TBC1D12: variants seen among roughly 807,000 people sequenced by gnomAD.
TBC1D12 encodes the protein TBC1 domain family member 12.
Under a neutral mutation model 86.7 loss-of-function variants are expected in TBC1D12, and 56 were observed. The observed-to-expected ratio is 0.65, with a 90% CI of 0.52 to 0.81. TBC1D12 has a LOEUF of 0.81. Ranked by LOEUF, TBC1D12 falls within the 30% of genes least tolerant of loss-of-function variation. The pLI, the probability that TBC1D12 is intolerant of heterozygous loss-of-function variation, is 0.00. For missense variants in TBC1D12, 1,023 were observed against 1,038.8 expected (o/e 0.98, Z 0.21); for synonymous variants, 421 against 411.7 (o/e 1.02, Z -0.27).
chr10:94,425,606 A>C (rs1017797415), intron 1 of TBC1D12, among the ~76,000 whole-genome samples: 6 of 152,150 alleles, frequency 3.9e-5, no homozygotes, highest in African/African-American at 1.4e-4. Context: ...TTGTTCTACA[A>C]CTCAACCAAC....
At position 94,420,345 on chromosome 10, in the gene TBC1D12, T is replaced by C. The variant is rs148400309; in HGVS notation, c.971+16761T>C. ...AACGTTGAGATACAAATGTCTGTTG[T>C]TCAAGCTACCAAGTCGATGATATTT... On this transcript the variant is annotated intron_variant, in intron 1 of 12. Coordinates refer to ENST00000225235, the MANE Select transcript of TBC1D12 (RefSeq NM_015188.2). Among the ~76,000 whole-genome samples the C allele has an allele frequency of 3.8e-4, 58 of 152,334 alleles. No individual in the cohort carries two copies. The East Asian group carries it at 9.2e-3, about 24-fold the overall frequency.
At chr10:94,475,666 C>T (rs1452951880) in intron 3 of TBC1D12, among the ~76,000 whole-genome samples, 2 of 152,150 alleles carry the variant, frequency 1.3e-5, no homozygotes. Context: ...GAATTCTTGA[C>T]CTCAAGTGGT....
chr10:94,459,952 C>T (rs2055699352), intron 2 of TBC1D12, among the ~76,000 whole-genome samples: 1 of 152,224 alleles, frequency 6.6e-6, no homozygotes, highest in East Asian at 1.9e-4. Flanking sequence ...TCCCACAGTG[C>T]AGCAGTGGGC....
chr10:94,517,555 T>A (rs1348325377), intron 9 of TBC1D12, among the ~76,000 whole-genome samples: 1 of 152,208 alleles, frequency 6.6e-6, no homozygotes, highest in South Asian at 2.1e-4. Context: ...ACTGTATATT[T>A]GCTGCTGAAA....
At chr10:94,465,653 A>ATAT (rs1176814157) in intron 2 of TBC1D12, among the ~76,000 whole-genome samples, 2 of 82,496 alleles carry the variant, frequency 2.4e-5, no homozygotes, top group African/African-American at 8.7e-5. Context: ...CCTAAAAAAA[A>ATAT]AAATATATAT....
chr10:94,494,524 T>C (rs919986014), intron 4 of TBC1D12, among the ~76,000 whole-genome samples: 2 of 152,176 alleles, frequency 1.3e-5, no homozygotes, highest in African/African-American at 4.8e-5. Flanking sequence ...CATATCCAAT[T>C]AAGTATTTAT....
At chr10:94,467,674 T>C (rs2055845144) in intron 2 of TBC1D12, among the ~76,000 whole-genome samples, 3 of 152,072 alleles carry the variant, frequency 2.0e-5, no homozygotes, top group Non-Finnish European at 4.4e-5. Context: ...AAACCTTCAA[T>C]GCATGTCCTG....
At chr10:94,518,639 A>G (rs1347819034) in intron 9 of TBC1D12, among the ~76,000 whole-genome samples, 1 of 152,238 alleles carries the variant, frequency 6.6e-6, no homozygotes, top group Non-Finnish European at 1.5e-5. Context: ...TCACACCATG[A>G]GTCAATAAAT....
At chr10:94,479,206 A>G (rs1476306247) in intron 3 of TBC1D12, among the ~76,000 whole-genome samples, 2 of 152,188 alleles carry the variant, frequency 1.3e-5, no homozygotes. Flanking sequence ...TAATAATTCC[A>G]GAAAGGTGTG....
chr10:94,430,116 C>T (rs767727874), intron 1 of TBC1D12, among the ~76,000 whole-genome samples: 2 of 152,146 alleles, frequency 1.3e-5, no homozygotes, highest in South Asian at 4.1e-4. Context: ...GCCTCGAACT[C>T]CAGGGCTCAA....
chr10:94,427,597 C>A (rs762323343), intron 1 of TBC1D12, among the ~76,000 whole-genome samples: 2 of 151,884 alleles, frequency 1.3e-5, no homozygotes, highest in African/African-American at 2.4e-5. Flanking sequence ...TTTGGGAGGC[C>A]GAGGCAGGTG....
At chr10:94,479,461 T>C (rs1364164156) in intron 3 of TBC1D12, among the ~76,000 whole-genome samples, 3 of 152,164 alleles carry the variant, frequency 2.0e-5, no homozygotes, top group Admixed American at 1.3e-4. Flanking sequence ...GGAAGTACTT[T>C]TTCTGAAATT....
chr10:94,447,213 G>GA (rs1296153700), intron 2 of TBC1D12, among the ~76,000 whole-genome samples: 1 of 151,164 alleles, frequency 6.6e-6, no homozygotes, highest in Non-Finnish European at 1.5e-5. Context: ...TTTTTGTGTG[G>GA]AAAAAACACG....
Position 94,452,548 on chromosome 10 carries a change from T to G in TBC1D12, c.1095+10529T>G, listed in dbSNP as rs75556787. 7.6e-3 allele frequency among the ~76,000 whole-genome samples: 1,155 copies of G among 152,274 alleles called. 15 individuals carry two copies. The highest frequency in any genetic ancestry group is 0.027 in the African/African-American group (1,105 of 41,554). On this transcript the variant is annotated intron_variant, in intron 2 of 12. Transcript: ENST00000225235. ...TGGAACCAGACAGTACTTAGCTGTTTCAGGTTGGTTTCTTTCACTTAGTAA... is the reference window on the plus strand; with the variant it reads ...TGGAACCAGACAGTACTTAGCTGTTGCAGGTTGGTTTCTTTCACTTAGTAA...
chr10:94,438,339 T>A (rs1337605778), intron 1 of TBC1D12, among the ~76,000 whole-genome samples: 1 of 152,164 alleles, frequency 6.6e-6, no homozygotes, highest in Non-Finnish European at 1.5e-5. Flanking sequence ...TCTCTGTGGC[T>A]AGCTGGTGAC....
intron 1 of TBC1D12, among the ~76,000 whole-genome samples, chr10:94,408,930 G>A (rs1003889944): frequency 1.3e-5 from 2 of 152,108 alleles, no homozygotes; most frequent in African/African-American, 4.8e-5. Flanking sequence ...TTTTGTTCAG[G>A]ATCAACTGTG....
intron 8 of TBC1D12, 57 bp downstream of exon 8, chr10:94,510,236 C>T: frequency 8.0e-7 from 1 of 1,257,682 alleles, no homozygotes; most frequent in African/African-American, 1.6e-5. Flanking sequence ...ATATCCAAGG[C>T]AACAGATTCT....
intron 11 of TBC1D12, among the ~76,000 whole-genome samples, chr10:94,528,389 A>G (rs1842349081): frequency 6.6e-6 from 1 of 152,154 alleles, no homozygotes; most frequent in Admixed American, 6.6e-5. Context: ...TTAGGCACTA[A>G]TGTCTTTTAT....
rs1244799763 is a variant in TBC1D12, at chr10:94,443,856, A to G, written c.1095+1837A>G. Among the ~76,000 whole-genome samples, 5 of 152,312 alleles carry G rather than the reference A, an allele frequency of 3.3e-5. No individual in the cohort carries two copies. In the East Asian group the frequency reaches 5.8e-4, roughly 18 times the overall value. On this transcript the variant is annotated intron_variant, in intron 2 of 12. Transcript: ENST00000225235. The stretch of plus-strand genomic sequence containing the variant: ...AATGCACAAAGCCACACATGCCCAA[A>G]TTGGTAATTAATTGCGGTTATTTAA...
Sources: gnomAD v4.1 joint callset for allele counts (sites outside exome capture counted in the v4.1 genomes callset) on GRCh38, gnomAD v4.1.1 for gene constraint, MANE v1.5 for transcripts, NCBI Gene and HGNC (gene_info 2026-07-23, HGNC 2026-07-21) for gene names.